Variants in ESCO2 observed in about 807,000 individuals in gnomAD.
ESCO2 encodes N-acetyltransferase ESCO2.
ESCO2 carries 51 observed loss-of-function variants against 61.7 expected under a neutral mutation model. That is an observed-to-expected ratio of 0.83 (90% CI 0.66 to 1.04). The LOEUF is 1.04. ESCO2 is among the 50% of genes least tolerant of loss of function. ESCO2 has a pLI of 0.00. For missense variants in ESCO2, 692 were observed against 686.2 expected, an observed-to-expected ratio of 1.01 and a Z score of -0.09; for synonymous variants, 230 against 238.2, an observed-to-expected ratio of 0.97 and a Z score of 0.32.
intron 4 of ESCO2, among the ~76,000 whole-genome samples, chr8:27,783,069 G>A (rs954633578): frequency 6.6e-6 from 1 of 151,924 alleles, no homozygotes; most frequent in Non-Finnish European, 1.5e-5. Flanking sequence ...ATAGAATTAC[G>A]TATTAGCCAT....
At chr8:27,790,310 T>G (rs914993754) in intron 7 of ESCO2, among the ~76,000 whole-genome samples, 1 of 152,178 alleles carries the variant, frequency 6.6e-6, no homozygotes, top group Non-Finnish European at 1.5e-5. Flanking sequence ...TCCCTGTCCC[T>G]TTTTTTAAGG....
upstream of ESCO2, chr8:27,772,663 G>A (rs1804677310): frequency 2.2e-6 from 2 of 902,966 alleles, no homozygotes; most frequent in African/African-American, 1.7e-5. Flanking sequence ...TCCGGCGGAC[G>A]TCGGGGCGCG....
intron 8 of ESCO2, 129 bp downstream of exon 8, chr8:27,792,181 A>G: frequency 1.2e-6 from 1 of 851,112 alleles, no homozygotes; most frequent in Non-Finnish European, 1.9e-6. Context: ...CTTTCATAGC[A>G]ATTTATACAA....
the ESCO2 span, among the ~76,000 whole-genome samples, chr8:27,818,738 T>C: frequency 6.6e-6 from 1 of 152,244 alleles, no homozygotes; most frequent in East Asian, 1.9e-4. Flanking sequence ...TGATATAGAA[T>C]TCTTTTTTTT....
the ESCO2 span, among the ~76,000 whole-genome samples, chr8:27,817,641 AT>A: frequency 6.7e-4 from 102 of 152,246 alleles, no homozygotes; most frequent in African/African-American, 2.3e-3. Flanking sequence ...TATAAAAAAA[AT>A]GCCTGTACTG....
downstream of ESCO2, among the ~76,000 whole-genome samples, chr8:27,809,127 C>G (rs959948332): frequency 6.6e-6 from 1 of 152,186 alleles, no homozygotes; most frequent in Non-Finnish European, 1.5e-5. Flanking sequence ...AGAAGCTGCT[C>G]TGTTGGCTTG....
chr8:27,796,404 C>G (rs956580640), intron 9 of ESCO2, among the ~76,000 whole-genome samples: 4 of 151,970 alleles, frequency 2.6e-5, no homozygotes, highest in Non-Finnish European at 5.9e-5. Context: ...TTTTTTGAGT[C>G]CCTGTTTAAT....
chr8:27,782,219 T>C (rs1249442825), intron 4 of ESCO2, among the ~76,000 whole-genome samples: 1 of 152,232 alleles, frequency 6.6e-6, no homozygotes, highest in African/African-American at 2.4e-5. Context: ...TAAAACAGTT[T>C]CATAATTGTT....
At chr8:27,786,135 C>T (rs6981253) in intron 5 of ESCO2, among the ~76,000 whole-genome samples, 2,206 of 152,212 alleles carry the variant, frequency 0.014, 48 homozygotes, top group African/African-American at 0.045. Context: ...GGAAGTAGCC[C>T]ATTAGTAGTT....
chr8:27,777,380 C>G (rs1403679892), intron 3 of ESCO2: 11 of 382,246 alleles, frequency 2.9e-5, no homozygotes, highest in Non-Finnish European at 4.1e-5. Context: ...CTGCTCACTA[C>G]AGCCTCAACC....
chr8:27,794,092 A>T (rs1805241643), intron 9 of ESCO2, among the ~76,000 whole-genome samples: 1 of 152,258 alleles, frequency 6.6e-6, no homozygotes, highest in Non-Finnish European at 1.5e-5. Flanking sequence ...AAGGCTGAAT[A>T]GTATTCCACC....
Position 27,782,001 on chromosome 8 carries a change from ATG to A in ESCO2, c.955+1738_955+1739del, listed in dbSNP as rs372643305. On this transcript the variant is annotated intron_variant, in intron 4 of 10. Coordinates refer to ENST00000305188, the MANE Select transcript of ESCO2 (RefSeq NM_001017420.3). Reference sequence around the variant, plus strand: ...AGGTACTATATTACGTTTAATTGTCATGTGTCTTTAGTCTTATCTGTGACATT... The same window carrying A: ...AGGTACTATATTACGTTTAATTGTCATGTCTTTAGTCTTATCTGTGACATT... Among the ~76,000 whole-genome samples, 1,197 of 152,062 alleles carry A rather than the reference ATG, an allele frequency of 7.9e-3. 14 individuals are homozygous for A. The highest frequency in any genetic ancestry group is 0.027 in the African/African-American group (1,132 of 41,472).
chr8:27,812,379 A>G (rs1301797077), downstream of ESCO2: 1 of 152,222 alleles, frequency 6.6e-6, no homozygotes, highest in African/African-American at 2.4e-5. Context: ...ACCCTAGAAG[A>G]AAACCTAGGC....
chr8:27,780,387 T>C, intron 4 of ESCO2, 120 bp downstream of exon 4: 1 of 679,004 alleles, frequency 1.5e-6, no homozygotes, highest in Non-Finnish European at 2.6e-6. Flanking sequence ...CTGTGGTTAG[T>C]ATCTTTGTTT....
chr8:27,799,704 T>TTG lies in ESCO2; in HGVS notation c.1662_1663dup (p.Asp555ValfsTer19). The TTG allele has an allele frequency of 1.2e-6, 2 of 1,613,888 alleles. No individual in the cohort carries two copies. The highest frequency in any genetic ancestry group is 1.7e-6 in the Non-Finnish European group (2 of 1,179,970). ...AGAAAGCGCATTGCAAGACGACTGGTTGATACCCTCAGGTAAGAAATAAAA... is the reference window on the plus strand; with the variant it reads ...AGAAAGCGCATTGCAAGACGACTGGTTGTGATACCCTCAGGTAAGAAATAAAA... On this transcript the variant is annotated frameshift_variant, in exon 10 of 11. Coordinates refer to ENST00000305188, the MANE Select transcript of ESCO2 (RefSeq NM_001017420.3). LOFTEE classifies it high-confidence loss of function.
chr8:27,772,502 C>T, upstream of ESCO2: 1 of 1,549,912 alleles, frequency 6.5e-7, no homozygotes, highest in Non-Finnish European at 8.7e-7. Flanking sequence ...GAGGACGTGG[C>T]GCCCACTCAC....
chr8:27,798,317 G>T (rs1805347906), intron 9 of ESCO2, among the ~76,000 whole-genome samples: 3 of 152,088 alleles, frequency 2.0e-5, no homozygotes, highest in Admixed American at 2.0e-4. Context: ...AAAATTAGCT[G>T]GGCGTGGTGG....
rs901221861 is a variant in ESCO2 at position 27,788,873 on chromosome 8, T to C, written c.1158T>C (p.Ala386=). Residue 386 remains alanine, a synonymous_variant, in exon 7 of 11, where the codon GCT becomes GCC. Coordinates refer to ENST00000305188, the MANE Select transcript of ESCO2 (RefSeq NM_001017420.3). ...IIDAGQKHFG[A]TVCKSCGMIY... is the part of the protein sequence containing the mutation. The stretch of plus-strand genomic sequence containing the variant: ...ACGCTGGTCAGAAACATTTTGGGGC[T>C]ACTGTGTGCAAGTCTTGTGGTATGA... The C allele has an allele frequency of 8.7e-6, 14 of 1,614,034 alleles. No individual in the cohort carries two copies. Among genetic ancestry groups the C allele is most frequent in the African/African-American group, 1.3e-5 (1 of 74,938 alleles).
Position 27,780,215 on chromosome 8 carries a change from T to G in ESCO2, c.903T>G (p.Val301=), listed in dbSNP as rs200848023. 3 of 1,612,452 alleles carry G rather than the reference T, an allele frequency of 1.9e-6. No homozygotes were observed. Among genetic ancestry groups the G allele is most frequent in the East Asian group, 4.5e-5 (2 of 44,764 alleles). Residue 301 remains valine (V), a synonymous_variant, in exon 4 of 11, where the codon GTT becomes GTG. Transcript: ENST00000305188. ...DDRVSSKEHK[V]DKNEAFSSED... is the part of the protein sequence containing the mutation. ...GAGTTTCTTCAAAGGAACATAAAGT[T>G]GATAAAAATGAGGCTTTTTCTTCAG...
Sources: allele counts gnomAD v4.1 joint callset (sites outside exome capture counted in the v4.1 genomes callset), GRCh38; gene constraint gnomAD v4.1.1; transcripts MANE v1.5; gene names NCBI Gene and HGNC (gene_info 2026-07-23, HGNC 2026-07-21).